Variants in FUT9 observed in about 807,000 individuals in gnomAD.
FUT9 encodes fucosyltransferase 9, also known as 4-galactosyl-N-acetylglucosaminide 3-alpha-L-fucosyltransferase 9.
In FUT9, 15 loss-of-function variants were observed where a neutral mutation model predicts 29.7. The observed-to-expected ratio is 0.51, with a 90% confidence interval of 0.34 to 0.78. FUT9 has a LOEUF of 0.78. Ranked by LOEUF, FUT9 falls within the 30% of genes least tolerant of loss-of-function variation. The pLI, the probability that FUT9 is intolerant of heterozygous loss-of-function variation, is 0.01. For missense variants in FUT9, 319 were observed against 425.4 expected (o/e 0.75, Z 2.20); for synonymous variants, 169 against 153.7 (o/e 1.10, Z -0.74).
intron 2 of FUT9, among the ~76,000 whole-genome samples, chr6:96,132,025 A>G (rs561537406): frequency 6.6e-6 from 1 of 152,232 alleles, no homozygotes; most frequent in Non-Finnish European, 1.5e-5. Context: ...CCAGCATGAA[A>G]TGCAGAAGAT....
chr6:96,027,457 C>T (rs1215226978), intron 1 of FUT9, among the ~76,000 whole-genome samples: 2 of 151,594 alleles, frequency 1.3e-5, no homozygotes, highest in Admixed American at 6.6e-5. Context: ...CTCTCTCTTG[C>T]GTTCAGATAG....
At chr6:96,123,727 C>T (rs1405383232) in intron 2 of FUT9, among the ~76,000 whole-genome samples, 2 of 152,046 alleles carry the variant, frequency 1.3e-5, no homozygotes, top group Non-Finnish European at 2.9e-5. Context: ...TGACTACTTG[C>T]TACCATAGCT....
intron 1 of FUT9, among the ~76,000 whole-genome samples, chr6:96,064,676 A>C (rs1464539130): frequency 6.6e-6 from 1 of 152,138 alleles, no homozygotes; most frequent in Non-Finnish European, 1.5e-5. Flanking sequence ...TTTGTCCTCT[A>C]TTCTTGGCTT....
intron 2 of FUT9, among the ~76,000 whole-genome samples, chr6:96,170,475 G>A (rs927927183): frequency 2.6e-5 from 4 of 151,816 alleles, no homozygotes. Context: ...AAATCAAACT[G>A]TCCTTTTTTT....
chr6:96,100,428 T>C (rs556194844), intron 1 of FUT9, among the ~76,000 whole-genome samples: 1 of 152,294 alleles, frequency 6.6e-6, no homozygotes, highest in African/African-American at 2.4e-5. Context: ...TACTTTGATG[T>C]CAATATGAAA....
At chr6:96,190,942 G>A (rs571822323) in intron 2 of FUT9, among the ~76,000 whole-genome samples, 66 of 152,198 alleles carry the variant, frequency 4.3e-4, no homozygotes, top group East Asian at 7.7e-4. Flanking sequence ...TTGTTCTCTC[G>A]CTGATGAGGA....
chr6:96,181,021 T>C (rs185333865), intron 2 of FUT9, among the ~76,000 whole-genome samples: 306 of 152,002 alleles, frequency 2.0e-3, no homozygotes, highest in African/African-American at 6.9e-3. Flanking sequence ...TAGTTAGTCA[T>C]TGAAAGTAGA....
chr6:96,177,587 G>A (rs1486393352), intron 2 of FUT9, among the ~76,000 whole-genome samples: 7 of 152,038 alleles, frequency 4.6e-5, no homozygotes, highest in East Asian at 3.9e-4. Context: ...GTTAACTCCT[G>A]GTAAAGAGCA....
At chr6:96,187,146 T>A (rs990515257) in intron 2 of FUT9, among the ~76,000 whole-genome samples, 3 of 152,034 alleles carry the variant, frequency 2.0e-5, no homozygotes, top group Non-Finnish European at 4.4e-5. Context: ...GATAAAGCAG[T>A]TGGTTTCCCA....
Position 96,203,988 on chromosome 6 carries a change from A to G in FUT9, c.833A>G (p.Glu278Gly). The G allele has an allele frequency of 6.2e-7, 1 of 1,612,596 alleles. No individual in the cohort carries two copies. The highest frequency in any genetic ancestry group is 8.5e-7 in the Non-Finnish European group (1 of 1,179,562). Residue 278 changes from glutamate to glycine, a missense_variant, in exon 3 of 3, where the codon GAG (glutamate) becomes GGG (glycine). Physicochemically the swap from Glu to Gly is moderately conservative, Grantham distance 98. Coordinates refer to ENST00000302103, the MANE Select transcript of FUT9 (RefSeq NM_006581.4). ...VVLGPSRENY[E>G]NYIPADSFIH... ...CTGGGACCATCTAGGGAAAACTATG[A>G]GAATTATATTCCAGCAGATTCATTC...
intron 1 of FUT9, among the ~76,000 whole-genome samples, chr6:96,095,213 C>A (rs547808239): frequency 6.6e-6 from 1 of 152,224 alleles, no homozygotes; most frequent in Middle Eastern, 3.4e-3. Context: ...GATCCCTCAC[C>A]TTTAAAGAGC....
At chr6:96,051,719 A>G (rs1770674039) in intron 1 of FUT9, among the ~76,000 whole-genome samples, 1 of 152,046 alleles carries the variant, frequency 6.6e-6, no homozygotes, top group African/African-American at 2.4e-5. Context: ...AAATTTGCAA[A>G]TCAATATTAT....
chr6:96,103,541 G>C (rs1449412051), intron 1 of FUT9, among the ~76,000 whole-genome samples: 2 of 152,106 alleles, frequency 1.3e-5, no homozygotes, highest in African/African-American at 4.8e-5. Flanking sequence ...ATAGTGTCAG[G>C]CTTTCTCCGA....
At chr6:96,032,019 C>G (rs986630890) in intron 1 of FUT9, among the ~76,000 whole-genome samples, 2 of 151,476 alleles carry the variant, frequency 1.3e-5, no homozygotes, top group African/African-American at 2.4e-5. Flanking sequence ...ACCTGTGTAC[C>G]AAGACTGCAT....
intron 2 of FUT9, among the ~76,000 whole-genome samples, chr6:96,116,536 T>C (rs1046487900): frequency 6.6e-6 from 1 of 152,230 alleles, no homozygotes; most frequent in Non-Finnish European, 1.5e-5. Context: ...AACTAATATG[T>C]TGTCTTCAGC....
intron 1 of FUT9, among the ~76,000 whole-genome samples, chr6:96,061,719 T>C (rs1770877799): frequency 6.6e-6 from 1 of 152,200 alleles, no homozygotes; most frequent in Non-Finnish European, 1.5e-5. Flanking sequence ...TTCATTCAAG[T>C]GGTGTCTAGC....
intron 2 of FUT9, among the ~76,000 whole-genome samples, chr6:96,132,582 C>A (rs549937731): frequency 3.3e-5 from 5 of 151,952 alleles, no homozygotes; most frequent in African/African-American, 9.7e-5. Flanking sequence ...AGAGAAAGGG[C>A]GACAATTTTG....
At chr6:96,039,216 C>T (rs1770413048) in intron 1 of FUT9, among the ~76,000 whole-genome samples, 1 of 151,958 alleles carries the variant, frequency 6.6e-6, no homozygotes, top group South Asian at 2.1e-4. Context: ...TATATGTATA[C>T]ACACACACCC....
intron 2 of FUT9, among the ~76,000 whole-genome samples, chr6:96,122,538 T>C (rs1341896269): frequency 6.6e-6 from 1 of 152,230 alleles, no homozygotes; most frequent in Non-Finnish European, 1.5e-5. Flanking sequence ...TTACATGGTA[T>C]AGTTATAATT....
Sources: allele counts gnomAD v4.1 joint callset (sites outside exome capture counted in the v4.1 genomes callset), GRCh38; gene constraint gnomAD v4.1.1; transcripts MANE v1.5; gene names NCBI Gene and HGNC (gene_info 2026-07-23, HGNC 2026-07-21).